LOC400499: variants seen among roughly 807,000 people sequenced by gnomAD.
At chr16:11,468,626 TTTTC>T in the LOC400499 span, among the ~76,000 whole-genome samples, 5 of 151,644 alleles carry the variant, frequency 3.3e-5, no homozygotes, top group South Asian at 2.1e-4. Flanking sequence ...ATACCTGGCT[TTTTC>T]TTTCTTTCTT....
At chr16:11,429,120 T>G in the LOC400499 span, among the ~76,000 whole-genome samples, 4,106 of 152,234 alleles carry the variant, frequency 0.027, 75 homozygotes, top group Non-Finnish European at 0.043. Flanking sequence ...AACCCTCATG[T>G]TGAATTGTAA....
chr16:11,491,653 A>AGCCCCCCCCCCT, the LOC400499 span: 1 of 256,068 alleles, frequency 3.9e-6, no homozygotes, highest in Non-Finnish European at 7.3e-6. Flanking sequence ...GTGCCCTCCC[A>AGCCCCCCCCCCT]GCCCCACCCC....
chr16:11,438,624 A>AT, the LOC400499 span, among the ~76,000 whole-genome samples: 1 of 150,034 alleles, frequency 6.7e-6, no homozygotes, highest in African/African-American at 2.5e-5. Flanking sequence ...AAAAAAAAAA[A>AT]AAAAAAGTAC....
At chr16:11,399,887 C>T in the LOC400499 span, 73 of 398,366 alleles carry the variant, frequency 1.8e-4, 1 homozygote, top group African/African-American at 1.3e-3. Context: ...AACGGTGTCC[C>T]CACAGCCATC....
chr16:11,399,242 C>A, the LOC400499 span: 2 of 985,390 alleles, frequency 2.0e-6, no homozygotes, highest in Non-Finnish European at 2.4e-6. Flanking sequence ...TTCCCAGCAT[C>A]TCGGGCCGTT....
the LOC400499 span, chr16:11,398,302 T>G: frequency 1.6e-6 from 2 of 1,230,146 alleles, no homozygotes; most frequent in East Asian, 6.3e-5. Flanking sequence ...CCCCTCACCA[T>G]GGGTCCCTGG....
chr16:11,508,812 C>T, the LOC400499 span: 1 of 399,114 alleles, frequency 2.5e-6, no homozygotes, highest in Non-Finnish European at 4.4e-6. Context: ...ACTCATACAG[C>T]AGGCTGCTTG....
chr16:11,474,611 T>C, the LOC400499 span, among the ~76,000 whole-genome samples: 1 of 152,022 alleles, frequency 6.6e-6, no homozygotes, highest in African/African-American at 2.4e-5. Context: ...TGTAATCCCA[T>C]TACTTTGAGA....
At chr16:11,425,485 C>T in the LOC400499 span, 2 of 399,016 alleles carry the variant, frequency 5.0e-6, no homozygotes, top group African/African-American at 4.1e-5. Context: ...GGGAAATGAG[C>T]TGCTTTGGAG....
the LOC400499 span, among the ~76,000 whole-genome samples, chr16:11,373,388 A>G: frequency 6.6e-6 from 1 of 152,242 alleles, no homozygotes; most frequent in African/African-American, 2.4e-5. Context: ...GCTATCACCC[A>G]GGCTGGAGTA....
chr16:11,509,120 CTTTTT>C, the LOC400499 span, among the ~76,000 whole-genome samples: 1 of 130,766 alleles, frequency 7.6e-6, no homozygotes, highest in African/African-American at 2.9e-5. Flanking sequence ...CCTTTTTTTT[CTTTTT>C]TTTTTTTTTT....
At chr16:11,411,945 T>C in the LOC400499 span, among the ~76,000 whole-genome samples, 2 of 151,818 alleles carry the variant, frequency 1.3e-5, no homozygotes, top group Non-Finnish European at 2.9e-5. Context: ...TCACTGCAGC[T>C]TCGATCTCCC....
the LOC400499 span, among the ~76,000 whole-genome samples, chr16:11,464,522 C>A: frequency 2.0e-5 from 3 of 152,234 alleles, no homozygotes; most frequent in Admixed American, 1.3e-4. Context: ...CAGGAGGGGG[C>A]ACTGAACAGA....
At chr16:11,424,981 C>T in the LOC400499 span, 1 of 397,574 alleles carries the variant, frequency 2.5e-6, no homozygotes, top group Non-Finnish European at 4.4e-6. Flanking sequence ...GAAGGAGACA[C>T]AGGTGTGCCG....
chr16:11,448,605 T>C, the LOC400499 span, among the ~76,000 whole-genome samples: 17 of 152,142 alleles, frequency 1.1e-4, no homozygotes, highest in Non-Finnish European at 2.1e-4. Context: ...CATGTGCCTA[T>C]AGTTCTAACT....
chr16:11,427,911 A>G, the LOC400499 span, among the ~76,000 whole-genome samples: 1 of 152,176 alleles, frequency 6.6e-6, no homozygotes, highest in Non-Finnish European at 1.5e-5. Flanking sequence ...CTCACTCTGA[A>G]AAGCGTCAAA....
the LOC400499 span, among the ~76,000 whole-genome samples, chr16:11,457,520 G>T: frequency 2.7e-5 from 4 of 150,628 alleles, no homozygotes; most frequent in East Asian, 5.9e-4. Flanking sequence ...GTGAATTCAG[G>T]AGGCAGAGCT....
the LOC400499 span, among the ~76,000 whole-genome samples, chr16:11,447,479 C>A: frequency 6.6e-6 from 1 of 152,138 alleles, no homozygotes; most frequent in African/African-American, 2.4e-5. Flanking sequence ...GATAAAAACA[C>A]GAACGAACAC....
the LOC400499 span, chr16:11,417,971 C>A: frequency 2.5e-6 from 1 of 397,172 alleles, no homozygotes; most frequent in East Asian, 3.6e-5. Context: ...GGAACTCAGA[C>A]CCTCTTGAAG....
Sources: allele counts gnomAD v4.1 joint callset (sites outside exome capture counted in the v4.1 genomes callset), GRCh38; gene constraint gnomAD v4.1.1; transcripts MANE v1.5.